Variants in NCKAP5 observed in about 807,000 individuals in gnomAD.
NCKAP5 encodes the protein nck-associated protein 5.
In NCKAP5, 92 loss-of-function variants were observed where a neutral mutation model predicts 167.0. That is an observed-to-expected ratio of 0.55 (90% CI 0.47 to 0.66). The LOEUF (loss-of-function observed/expected upper bound fraction) is 0.66, where lower values mean the gene tolerates loss of function less well. Ranked by LOEUF, NCKAP5 falls within the 30% of genes least tolerant of loss-of-function variation. The pLI, the probability that NCKAP5 is intolerant of heterozygous loss-of-function variation, is 0.00. For synonymous variants in NCKAP5, 891 were observed against 877.4 expected (o/e 1.02, Z -0.27); for missense variants, 2,378 against 2,315.0 (o/e 1.03, Z -0.56).
At chr2:132,873,152 G>A (rs1048414464) in intron 9 of NCKAP5, among the ~76,000 whole-genome samples, 1 of 152,152 alleles carries the variant, frequency 6.6e-6, no homozygotes, top group African/African-American at 2.4e-5. Context: ...CACCCAGGCT[G>A]GAGTGCAGTA....
At chr2:132,802,035 C>A (rs543273747) in intron 11 of NCKAP5, among the ~76,000 whole-genome samples, 9 of 152,312 alleles carry the variant, frequency 5.9e-5, no homozygotes, top group African/African-American at 2.2e-4. Flanking sequence ...GCCGTAGACT[C>A]CCGAAGTGCT....
intron 11 of NCKAP5, among the ~76,000 whole-genome samples, chr2:132,808,898 G>T (rs1204104555): frequency 2.0e-5 from 3 of 152,094 alleles, no homozygotes; most frequent in African/African-American, 7.2e-5. Context: ...TTTGATATAG[G>T]CATTTAGGGC....
the NCKAP5 span, among the ~76,000 whole-genome samples, chr2:133,586,516 A>G: frequency 6.6e-6 from 1 of 152,154 alleles, no homozygotes; most frequent in Admixed American, 6.5e-5. Context: ...GAAAAGAGGT[A>G]ACAGGTCATC....
chr2:133,378,478 T>TC (rs1461890675), intron 3 of NCKAP5, among the ~76,000 whole-genome samples: 1 of 152,228 alleles, frequency 6.6e-6, no homozygotes, highest in African/African-American at 2.4e-5. Context: ...TCTCAGCTTC[T>TC]ATCTGCCAAG....
At chr2:132,684,248 GC>G (rs1685641140) in intron 19 of NCKAP5, among the ~76,000 whole-genome samples, 1 of 152,220 alleles carries the variant, frequency 6.6e-6, no homozygotes, top group Non-Finnish European at 1.5e-5. Flanking sequence ...CAATGCGATT[GC>G]TATGAGAATT....
At chr2:133,151,183 A>C (rs933624581) in intron 5 of NCKAP5, among the ~76,000 whole-genome samples, 2 of 152,196 alleles carry the variant, frequency 1.3e-5, no homozygotes, top group Admixed American at 6.5e-5. Flanking sequence ...TACCTCAATA[A>C]AAAGTTTTTT....
At chr2:132,707,662 AAACCAAACAC>A (rs1231716205) in intron 19 of NCKAP5, among the ~76,000 whole-genome samples, 1 of 152,184 alleles carries the variant, frequency 6.6e-6, no homozygotes, top group East Asian at 1.9e-4. Context: ...AGCGTGAGCA[AAACCAAACAC>A]CCTGTCTTCA....
At chr2:132,992,086 C>T (rs2077466310) in intron 7 of NCKAP5, among the ~76,000 whole-genome samples, 1 of 152,128 alleles carries the variant, frequency 6.6e-6, no homozygotes, top group Non-Finnish European at 1.5e-5. Flanking sequence ...TTGTTAAATG[C>T]ACAGTGACCT....
At chr2:133,621,582 GA>G in the NCKAP5 span, among the ~76,000 whole-genome samples, 5,182 of 152,034 alleles carry the variant, frequency 0.034, 290 homozygotes, top group East Asian at 0.22. Context: ...GCAAGATAAA[GA>G]ATCTCTGAAC....
chr2:132,869,057 C>G (rs1690589439), intron 9 of NCKAP5, 83 bp from the exon 10 acceptor site: 1 of 1,009,700 alleles, frequency 9.9e-7, no homozygotes, highest in Non-Finnish European at 1.4e-6. Flanking sequence ...AAGTTTCTCG[C>G]AGCTTATTGT....
intron 2 of NCKAP5, among the ~76,000 whole-genome samples, chr2:133,558,431 G>C (rs914076710): frequency 1.3e-5 from 2 of 151,954 alleles, no homozygotes; most frequent in Non-Finnish European, 1.5e-5. Context: ...ACAGAAGATT[G>C]AGAAATAAGG....
chr2:133,138,877 C>T (rs1051155135), intron 5 of NCKAP5, among the ~76,000 whole-genome samples: 2 of 152,182 alleles, frequency 1.3e-5, no homozygotes, highest in African/African-American at 4.8e-5. Context: ...GCTTGACTGG[C>T]CCTGCTGCTC....
At chr2:133,236,141 G>C (rs2087409227) in intron 4 of NCKAP5, among the ~76,000 whole-genome samples, 1 of 141,206 alleles carries the variant, frequency 7.1e-6, no homozygotes, top group South Asian at 2.3e-4. Context: ...TGTTAGACAA[G>C]CTTCAGGTAT....
At chr2:133,228,575 C>G (rs959980451) in intron 4 of NCKAP5, among the ~76,000 whole-genome samples, 1 of 152,168 alleles carries the variant, frequency 6.6e-6, no homozygotes, top group Non-Finnish European at 1.5e-5. Flanking sequence ...CTGTCACCAC[C>G]ATCAGCACGT....
At chr2:132,697,233 GGA>G (rs1687426921) in intron 19 of NCKAP5, among the ~76,000 whole-genome samples, 7 of 152,182 alleles carry the variant, frequency 4.6e-5, no homozygotes, top group Non-Finnish European at 7.3e-5. Context: ...CAGTCACCTT[GGA>G]GGAGCTGGTC....
intron 3 of NCKAP5, among the ~76,000 whole-genome samples, chr2:133,422,296 G>A (rs1689528786): frequency 6.6e-6 from 1 of 152,224 alleles, no homozygotes; most frequent in Non-Finnish European, 1.5e-5. Flanking sequence ...GAACAGGATT[G>A]CTTACATAAA....
intron 4 of NCKAP5, among the ~76,000 whole-genome samples, chr2:133,220,814 G>A (rs941970290): frequency 1.3e-5 from 2 of 152,148 alleles, no homozygotes; most frequent in East Asian, 1.9e-4. Context: ...GGGCATGCCT[G>A]TTGGGAGACA....
chr2:133,540,632 G>A (rs1041948644), intron 2 of NCKAP5, among the ~76,000 whole-genome samples: 18 of 152,078 alleles, frequency 1.2e-4, no homozygotes, highest in Admixed American at 5.2e-4. Context: ...ATTATCTATT[G>A]CCATTAAAAA....
At chr2:133,650,607 G>C in the NCKAP5 span, among the ~76,000 whole-genome samples, 4 of 152,324 alleles carry the variant, frequency 2.6e-5, no homozygotes, top group East Asian at 5.8e-4. Flanking sequence ...GAGTGTGGTG[G>C]CTCATGCCTG....
Sources: gnomAD v4.1 joint callset for allele counts (sites outside exome capture counted in the v4.1 genomes callset) on GRCh38, gnomAD v4.1.1 for gene constraint, MANE v1.5 for transcripts, NCBI Gene and HGNC (gene_info 2026-07-23, HGNC 2026-07-21) for gene names.